The following IQCM variants were observed in gnomAD, a reference collection of about 807,000 sequenced individuals.
IQCM encodes IQ domain-containing protein M.
IQCM carries 45 observed loss-of-function variants against 57.6 expected under a neutral mutation model. The ratio of observed to expected loss-of-function variants is 0.78; its 90% confidence interval spans 0.62 to 1.00. The LOEUF (loss-of-function observed/expected upper bound fraction) is 1.00. Ranked by LOEUF, IQCM falls within the 50% of genes least tolerant of loss-of-function variation. IQCM has a pLI of 0.00. For missense variants in IQCM, 468 were observed against 511.6 expected, an observed-to-expected ratio of 0.91 and a Z score of 0.82; for synonymous variants, 148 against 158.9, an observed-to-expected ratio of 0.93 and a Z score of 0.51.
chr4:149,670,619 T>C (rs966317101), intron 7 of IQCM, among the ~76,000 whole-genome samples: 2 of 152,174 alleles, frequency 1.3e-5, no homozygotes, highest in Non-Finnish European at 2.9e-5. Context: ...GGGTTTGTCA[T>C]AAATAGCTCT....
At position 149,728,816 on chromosome 4, in the gene IQCM, C is replaced by T. The variant is rs78605601; in HGVS notation, c.385+4428G>A. ...CTTCTTGTTCCTTTACAGAACACAC[C>T]TTTCCTCTCCCCAAAGATGACAACC... On this transcript the variant is annotated intron_variant, in intron 5 of 13. Coordinates refer to ENST00000636793, the MANE Select transcript of IQCM (RefSeq NM_001363507.2). 4.6e-3 allele frequency among the ~76,000 whole-genome samples: 694 copies of T among 152,224 alleles called. 4 individuals are homozygous for T. Among genetic ancestry groups the T allele is most frequent in the African/African-American group, 0.016 (664 of 41,534 alleles).
chr4:149,563,961 T>G (rs1750374718), intron 9 of IQCM, 71 bp from the exon 10 acceptor site: 7 of 688,282 alleles, frequency 1.0e-5, no homozygotes, highest in Non-Finnish European at 1.4e-5. Flanking sequence ...TTTTAAATTA[T>G]TTCAATGATG....
chr4:149,806,504 G>C (rs1054180915), intron 2 of IQCM, among the ~76,000 whole-genome samples: 3 of 151,698 alleles, frequency 2.0e-5, no homozygotes, highest in Non-Finnish European at 4.4e-5. Context: ...TCCAGTCTTT[G>C]GTAACCAGCA....
At chr4:149,476,334 T>A (rs1339025805) in intron 12 of IQCM, among the ~76,000 whole-genome samples, 1 of 152,208 alleles carries the variant, frequency 6.6e-6, no homozygotes, top group Non-Finnish European at 1.5e-5. Context: ...TTAGTTTCCT[T>A]ACTTAAGTTT....
At chr4:149,508,226 A>C (rs533775354) in intron 12 of IQCM, among the ~76,000 whole-genome samples, 1 of 152,132 alleles carries the variant, frequency 6.6e-6, no homozygotes. Flanking sequence ...GCCCCCAAAC[A>C]AAGTCCCTAC....
At chr4:149,777,357 T>C (rs1771187763) in intron 2 of IQCM, among the ~76,000 whole-genome samples, 1 of 152,214 alleles carries the variant, frequency 6.6e-6, no homozygotes, top group Non-Finnish European at 1.5e-5. Context: ...GATGCGTATG[T>C]GTTTTTAGAA....
chr4:149,729,956 C>G (rs961600601), intron 5 of IQCM, among the ~76,000 whole-genome samples: 1 of 152,154 alleles, frequency 6.6e-6, no homozygotes, highest in Non-Finnish European at 1.5e-5. Context: ...CAGTTTATCT[C>G]ATGTTTATAA....
chr4:149,812,898 T>C (rs889350167), intron 2 of IQCM, among the ~76,000 whole-genome samples: 1 of 152,214 alleles, frequency 6.6e-6, no homozygotes, highest in Non-Finnish European at 1.5e-5. Flanking sequence ...TCTAGCATTT[T>C]ACTTTGTTGT....
intron 5 of IQCM, among the ~76,000 whole-genome samples, chr4:149,726,111 GAAA>G: frequency 6.8e-6 from 1 of 147,110 alleles, no homozygotes; most frequent in Admixed American, 6.8e-5. Context: ...AAGAAAGAAA[GAAA>G]GAAAGAAAGA....
intron 8 of IQCM, among the ~76,000 whole-genome samples, chr4:149,588,242 TACA>T (rs1277987101): frequency 4.6e-5 from 7 of 151,854 alleles, no homozygotes; most frequent in Non-Finnish European, 8.8e-5. Flanking sequence ...CAAATATCCT[TACA>T]ACTATATTAT....
intron 5 of IQCM, among the ~76,000 whole-genome samples, chr4:149,728,808 G>T (rs1766196045): frequency 6.6e-6 from 1 of 152,100 alleles, no homozygotes; most frequent in African/African-American, 2.4e-5. Context: ...TTCCTTTACA[G>T]AACACACCTT....
At chr4:149,504,898 CAGAG>C (rs369334100) in intron 12 of IQCM, among the ~76,000 whole-genome samples, 16 of 150,324 alleles carry the variant, frequency 1.1e-4, no homozygotes, top group Non-Finnish European at 1.9e-4. Flanking sequence ...CTCAAAACAA[CAGAG>C]AGAGAGAGAG....
chr4:149,558,125 T>C (rs1749764519), intron 10 of IQCM, among the ~76,000 whole-genome samples: 1 of 152,338 alleles, frequency 6.6e-6, no homozygotes, highest in African/African-American at 2.4e-5. Context: ...GGAATACTCA[T>C]CTTCTGCTTC....
chr4:149,407,772 G>A (rs968758375), intron 13 of IQCM, among the ~76,000 whole-genome samples: 1 of 152,126 alleles, frequency 6.6e-6, no homozygotes. Flanking sequence ...GGACACTTAG[G>A]TTGATTTCAT....
At chr4:149,666,956 C>T (rs1484958684) in intron 7 of IQCM, among the ~76,000 whole-genome samples, 1 of 152,160 alleles carries the variant, frequency 6.6e-6, no homozygotes, top group African/African-American at 2.4e-5. Flanking sequence ...ATTCCCATCT[C>T]CCTGGGACAG....
intron 12 of IQCM, among the ~76,000 whole-genome samples, chr4:149,500,832 A>C (rs1234592689): frequency 6.6e-6 from 1 of 152,172 alleles, no homozygotes; most frequent in Non-Finnish European, 1.5e-5. Flanking sequence ...CAGACACACA[A>C]AGACAATTTC....
At chr4:149,420,587 C>T (rs1734056355) in intron 13 of IQCM, among the ~76,000 whole-genome samples, 1 of 151,936 alleles carries the variant, frequency 6.6e-6, no homozygotes, top group Non-Finnish European at 1.5e-5. Flanking sequence ...CACACATTTT[C>T]CTGTGTAACA....
chr4:149,678,007 G>A (rs72726182), intron 7 of IQCM, among the ~76,000 whole-genome samples: 32,033 of 151,612 alleles, frequency 0.21, 4,233 homozygotes, highest in Non-Finnish European at 0.28. Flanking sequence ...AGAATGAAAA[G>A]CAAGAAAGAT....
At chr4:149,434,456 T>C (rs1055637485) in intron 12 of IQCM, among the ~76,000 whole-genome samples, 1 of 152,150 alleles carries the variant, frequency 6.6e-6, no homozygotes, top group African/African-American at 2.4e-5. Context: ...CTTAAAGTGA[T>C]TCTGCCTAGA....
Sources: gnomAD v4.1 joint callset for allele counts (sites outside exome capture counted in the v4.1 genomes callset) on GRCh38, gnomAD v4.1.1 for gene constraint, MANE v1.5 for transcripts, NCBI Gene and HGNC (gene_info 2026-07-23, HGNC 2026-07-21) for gene names.